FSTL5: variants seen among roughly 807,000 people sequenced by gnomAD.
The protein encoded by FSTL5 is follistatin-related protein 5.
In FSTL5, 62 loss-of-function variants were observed where a neutral mutation model predicts 89.1. The observed-to-expected ratio is 0.70, with a 90% CI of 0.57 to 0.86. The LOEUF (loss-of-function observed/expected upper bound fraction) is 0.86, where lower values mean the gene tolerates loss of function less well. Among genes scored for constraint, FSTL5 ranks in the 40% least tolerant of loss-of-function variants. FSTL5 has a pLI of 0.00. For missense variants in FSTL5, 1,057 were observed against 1,001.6 expected (o/e 1.06, Z -0.75); for synonymous variants, 383 against 346.2 (o/e 1.11, Z -1.18).
chr4:161,423,425 G>A (rs1350585818), intron 15 of FSTL5, among the ~76,000 whole-genome samples: 1 of 152,048 alleles, frequency 6.6e-6, no homozygotes, highest in Non-Finnish European at 1.5e-5. Context: ...TGCTTTCATT[G>A]ACTATATGTG....
intron 4 of FSTL5, among the ~76,000 whole-genome samples, chr4:161,841,971 A>G (rs1331493846): frequency 2.0e-5 from 3 of 152,116 alleles, no homozygotes; most frequent in Admixed American, 6.5e-5. Flanking sequence ...GCTTCAGGGA[A>G]AACACTAGGG....
At chr4:161,454,085 A>G (rs1192915013) in intron 15 of FSTL5, among the ~76,000 whole-genome samples, 1 of 152,172 alleles carries the variant, frequency 6.6e-6, no homozygotes, top group Non-Finnish European at 1.5e-5. Flanking sequence ...GCAAAGTTGA[A>G]TTATGCAGTC....
chr4:161,529,415 A>G (rs1450273852), intron 10 of FSTL5, among the ~76,000 whole-genome samples: 1 of 142,780 alleles, frequency 7.0e-6, no homozygotes, highest in Non-Finnish European at 1.5e-5. Flanking sequence ...GAATATTGGA[A>G]TTTATTATAA....
intron 4 of FSTL5, among the ~76,000 whole-genome samples, chr4:161,906,923 AG>A (rs1291765636): frequency 6.6e-6 from 1 of 152,148 alleles, no homozygotes; most frequent in East Asian, 1.9e-4. Context: ...TAGACACAGC[AG>A]TAACAAATTT....
chr4:161,488,140 TAA>T (rs1191391617), intron 12 of FSTL5, among the ~76,000 whole-genome samples: 1 of 152,172 alleles, frequency 6.6e-6, no homozygotes, highest in Non-Finnish European at 1.5e-5. Context: ...AATACTTTCA[TAA>T]GTTTTAACTG....
chr4:161,872,206 G>A (rs1043828471), intron 4 of FSTL5, among the ~76,000 whole-genome samples: 1 of 132,790 alleles, frequency 7.5e-6, no homozygotes, highest in Admixed American at 9.3e-5. Context: ...TCGAACTCCT[G>A]GGCTGTACCT....
intron 3 of FSTL5, among the ~76,000 whole-genome samples, chr4:162,030,045 T>C (rs1305939905): frequency 6.6e-6 from 1 of 152,046 alleles, no homozygotes; most frequent in South Asian, 2.1e-4. Flanking sequence ...ATTACAGGCA[T>C]GCGCTACCAC....
intron 13 of FSTL5, among the ~76,000 whole-genome samples, chr4:161,465,768 A>T (rs1215020570): frequency 6.6e-6 from 1 of 152,240 alleles, no homozygotes; most frequent in Non-Finnish European, 1.5e-5. Flanking sequence ...GATAGCTTCC[A>T]ATTATATATT....
intron 6 of FSTL5, among the ~76,000 whole-genome samples, chr4:161,726,758 A>G (rs1288371620): frequency 6.6e-6 from 1 of 152,072 alleles, no homozygotes. Flanking sequence ...TTAGCTAACA[A>G]CTTTACTAAC....
intron 8 of FSTL5, among the ~76,000 whole-genome samples, chr4:161,572,386 T>C (rs1405875379): frequency 6.7e-6 from 1 of 148,348 alleles, no homozygotes; most frequent in Non-Finnish European, 1.5e-5. Context: ...AATGCACTGA[T>C]TATGACCCCT....
chr4:161,607,147 G>T (rs1734476357), intron 7 of FSTL5, among the ~76,000 whole-genome samples: 1 of 152,086 alleles, frequency 6.6e-6, no homozygotes, highest in African/African-American at 2.4e-5. Context: ...TGAGTCTGAA[G>T]ACTGTCAATT....
At chr4:161,630,211 A>C (rs12642912) in intron 7 of FSTL5, among the ~76,000 whole-genome samples, 1 of 152,062 alleles carries the variant, frequency 6.6e-6, no homozygotes, top group East Asian at 1.9e-4. Context: ...CACCATGTTT[A>C]TGCTAATCCA....
chr4:161,797,236 G>A (rs1473597932), intron 4 of FSTL5, among the ~76,000 whole-genome samples: 1 of 151,410 alleles, frequency 6.6e-6, no homozygotes, highest in Non-Finnish European at 1.5e-5. Flanking sequence ...GATTTCTGAG[G>A]GTTGACTTTT....
At chr4:161,712,523 G>A (rs1738822983) in intron 6 of FSTL5, among the ~76,000 whole-genome samples, 1 of 152,058 alleles carries the variant, frequency 6.6e-6, no homozygotes, top group African/African-American at 2.4e-5. Flanking sequence ...GACAAAATCA[G>A]GTAATCAATG....
At chr4:162,162,753 G>C (rs1733744144) in intron 1 of FSTL5, among the ~76,000 whole-genome samples, 1 of 152,142 alleles carries the variant, frequency 6.6e-6, no homozygotes, top group African/African-American at 2.4e-5. Flanking sequence ...AAAGCTCTCT[G>C]TTAAGCATGC....
At chr4:161,597,380 CA>C (rs1416694427) in intron 7 of FSTL5, among the ~76,000 whole-genome samples, 3 of 146,244 alleles carry the variant, frequency 2.1e-5, no homozygotes, top group Non-Finnish European at 3.0e-5. Context: ...ATCCCAAGGA[CA>C]AAAAACCAAA....
At chr4:161,856,140 G>A (rs1731713792) in intron 4 of FSTL5, among the ~76,000 whole-genome samples, 1 of 152,034 alleles carries the variant, frequency 6.6e-6, no homozygotes, top group African/African-American at 2.4e-5. Context: ...TTTTGAGGTT[G>A]AGGAAACAGT....
At position 161,394,805 on chromosome 4, in the gene FSTL5, T is replaced by G. The variant is rs61317960; in HGVS notation, c.1842-8356A>C. ...AAAAGTTTATATTTTGGTTTGCATG[T>G]TTTGGGATATGTGCAAATTAGGGAA... On this transcript the variant is annotated intron_variant, in intron 15 of 15. Transcript: ENST00000306100. Among the ~76,000 whole-genome samples, 886 of 152,298 alleles carry G rather than the reference T, an allele frequency of 5.8e-3. 4 individuals are homozygous for G. Among genetic ancestry groups the G allele is most frequent in the African/African-American group, 0.02 (814 of 41,578 alleles).
chr4:161,764,824 T>C (rs1050917031), intron 5 of FSTL5, among the ~76,000 whole-genome samples: 1 of 152,202 alleles, frequency 6.6e-6, no homozygotes, highest in Non-Finnish European at 1.5e-5. Context: ...AAAGTAAAGA[T>C]ACTACAAATA....
Sources: gnomAD v4.1 joint callset for allele counts (sites outside exome capture counted in the v4.1 genomes callset) on GRCh38, gnomAD v4.1.1 for gene constraint, MANE v1.5 for transcripts, NCBI Gene and HGNC (gene_info 2026-07-23, HGNC 2026-07-21) for gene names.